BIRC6: variants seen among roughly 807,000 people sequenced by gnomAD.
BIRC6 encodes baculoviral IAP repeat containing 6.
A neutral mutation model predicts 503.3 loss-of-function variants in BIRC6; 98 were observed. The ratio of observed to expected loss-of-function variants is 0.19; its 90% confidence interval spans 0.17 to 0.23. The LOEUF (loss-of-function observed/expected upper bound fraction) is 0.23. Ranked by LOEUF, BIRC6 falls within the 10% of genes least tolerant of loss-of-function variation. BIRC6 has a pLI of 1.00. For missense variants in BIRC6, 5,360 were observed against 5,806.0 expected (o/e 0.92, Z 2.50); for synonymous variants, 2,240 against 2,078.7 (o/e 1.08, Z -2.11).
intron 1 of BIRC6, among the ~76,000 whole-genome samples, chr2:32,365,327 CT>C (rs35830300): frequency 2.5e-4 from 36 of 143,542 alleles, no homozygotes; most frequent in Non-Finnish European, 3.2e-4. Context: ...ATAAATGTTA[CT>C]TTTTTTTTTT....
chr2:32,448,378 C>T (rs1031370372), intron 21 of BIRC6, among the ~76,000 whole-genome samples: 3 of 146,714 alleles, frequency 2.0e-5, no homozygotes, highest in East Asian at 2.1e-4. Flanking sequence ...ACTGAGTGAA[C>T]GAGACTCCGT....
chr2:32,454,185 G>A (rs1344079152), intron 23 of BIRC6, among the ~76,000 whole-genome samples: 1 of 151,978 alleles, frequency 6.6e-6, no homozygotes, highest in East Asian at 1.9e-4. Context: ...CTGTTTTTAT[G>A]TGTATGCACT....
At chr2:32,494,081 T>C (rs911988955) in intron 45 of BIRC6, among the ~76,000 whole-genome samples, 4 of 152,156 alleles carry the variant, frequency 2.6e-5, no homozygotes, top group Non-Finnish European at 4.4e-5. Flanking sequence ...ATAAATTTAT[T>C]AACAAAATCA....
chr2:32,428,569 T>C (rs931953791), intron 10 of BIRC6, among the ~76,000 whole-genome samples: 4 of 152,268 alleles, frequency 2.6e-5, no homozygotes, highest in African/African-American at 9.6e-5. Context: ...TCTTCTGCTA[T>C]GCTGGAAGTG....
intron 66 of BIRC6, among the ~76,000 whole-genome samples, chr2:32,589,664 G>A (rs752882386): frequency 6.6e-6 from 1 of 152,094 alleles, no homozygotes; most frequent in Non-Finnish European, 1.5e-5. Context: ...TCAGTTGTTT[G>A]TCAGTCTTTT....
intron 23 of BIRC6, among the ~76,000 whole-genome samples, chr2:32,460,436 C>T (rs1174833769): frequency 1.3e-5 from 2 of 150,940 alleles, no homozygotes; most frequent in East Asian, 3.9e-4. Flanking sequence ...ACCACCACAC[C>T]CAGCTAATTT....
At chr2:32,607,970 A>G (rs2062578781) in intron 72 of BIRC6, among the ~76,000 whole-genome samples, 2 of 70,818 alleles carry the variant, frequency 2.8e-5, no homozygotes, top group African/African-American at 5.8e-5. Context: ...GCAAGACTCC[A>G]TCTCCAAAAA....
intron 61 of BIRC6, among the ~76,000 whole-genome samples, chr2:32,535,962 C>CA (rs2057199492): frequency 1.3e-5 from 2 of 152,194 alleles, no homozygotes; most frequent in African/African-American, 2.4e-5. Flanking sequence ...TCCTCTCCAG[C>CA]ACCTGTTGTT....
intron 1 of BIRC6, among the ~76,000 whole-genome samples, chr2:32,358,032 T>TGGGGGG (rs1451235289): frequency 2.1e-4 from 2 of 9,552 alleles, no homozygotes; most frequent in African/African-American, 9.0e-4. Context: ...AGCGTGGGGG[T>TGGGGGG]GGGGGTGGGG....
At chr2:32,387,721 G>T (rs1182941505) in intron 3 of BIRC6, among the ~76,000 whole-genome samples, 1 of 152,134 alleles carries the variant, frequency 6.6e-6, no homozygotes, top group Non-Finnish European at 1.5e-5. Flanking sequence ...AATGGTAATT[G>T]TCTAAATATA....
At chr2:32,399,025 A>G (rs958274596) in intron 6 of BIRC6, among the ~76,000 whole-genome samples, 21 of 152,322 alleles carry the variant, frequency 1.4e-4, no homozygotes, top group Admixed American at 1.2e-3. Context: ...ATGGAAATAA[A>G]ACAATGAGTT....
At chr2:32,565,149 T>G (rs1051796330) in intron 65 of BIRC6, 1 of 152,182 alleles carries the variant, frequency 6.6e-6, no homozygotes, top group African/African-American at 2.4e-5. Flanking sequence ...CAAGAAAAAT[T>G]GAGTTCTCAT....
intron 8 of BIRC6, among the ~76,000 whole-genome samples, chr2:32,405,073 C>T (rs2041044927): frequency 6.6e-6 from 1 of 152,172 alleles, no homozygotes; most frequent in Non-Finnish European, 1.5e-5. Context: ...TTAAAACATA[C>T]TACTACTTAA....
chr2:32,487,807 A>ACAT lies in BIRC6; in HGVS notation c.7968+7_7968+8insATC. The ACAT allele has an allele frequency of 6.2e-7, 1 of 1,603,248 alleles. No individual in the cohort carries two copies. Among genetic ancestry groups the ACAT allele is most frequent in the Non-Finnish European group, 8.5e-7 (1 of 1,170,826 alleles). ...TTCAAGTCCATCATGTTCAGGTATGACTTCAGGAGAAATGGTGTATTTTTA... is the reference window on the plus strand; with the variant it reads ...TTCAAGTCCATCATGTTCAGGTATGACATCTTCAGGAGAAATGGTGTATTTTTA... On this transcript the variant is annotated splice_region_variant and intron_variant, in intron 41 of 73. Transcript: ENST00000421745.
intron 47 of BIRC6, 46 bp from the exon 48 acceptor site, chr2:32,502,748 AT>A (rs772153252): frequency 3.4e-5 from 49 of 1,427,510 alleles, no homozygotes; most frequent in Non-Finnish European, 4.5e-5. Context: ...TTTAGTTCTT[AT>A]TCACAGGAAT....
chr2:32,493,440 C>A, intron 44 of BIRC6, 100 bp from the exon 45 acceptor site: 1 of 1,101,876 alleles, frequency 9.1e-7, no homozygotes, highest in Non-Finnish European at 1.3e-6. Context: ...CGAAAAGTTA[C>A]AGTGTATAGC....
intron 40 of BIRC6, among the ~76,000 whole-genome samples, chr2:32,487,119 A>G (rs2051089838): frequency 6.6e-6 from 1 of 152,144 alleles, no homozygotes; most frequent in Non-Finnish European, 1.5e-5. Flanking sequence ...TAATAAAATA[A>G]GGCTCTAAAT....
intron 6 of BIRC6, among the ~76,000 whole-genome samples, chr2:32,400,565 C>T (rs1301052883): frequency 2.0e-5 from 3 of 152,024 alleles, no homozygotes; most frequent in Non-Finnish European, 4.4e-5. Flanking sequence ...CGTCGAACTC[C>T]TGACCTCATG....
At chr2:32,443,240 G>A (rs1046685002) in intron 19 of BIRC6, among the ~76,000 whole-genome samples, 2 of 152,176 alleles carry the variant, frequency 1.3e-5, no homozygotes, top group Admixed American at 1.3e-4. Flanking sequence ...TATCTAGGAA[G>A]TGTCTAAGAG....
Sources: gnomAD v4.1 joint callset for allele counts (sites outside exome capture counted in the v4.1 genomes callset) on GRCh38, gnomAD v4.1.1 for gene constraint, MANE v1.5 for transcripts, NCBI Gene and HGNC (gene_info 2026-07-23, HGNC 2026-07-21) for gene names.